ARID1B: variants seen among roughly 807,000 people sequenced by gnomAD.
ARID1B encodes the protein AT-rich interactive domain-containing protein 1B.
ARID1B carries 30 observed loss-of-function variants against 212.3 expected under a neutral mutation model. The ratio of observed to expected loss-of-function variants is 0.14; its 90% CI spans 0.11 to 0.19. ARID1B has a LOEUF of 0.19. ARID1B is among the 10% of genes least tolerant of loss of function. The probability of loss-of-function intolerance (pLI) is 1.00; values close to 1 mark genes in which losing one functional copy is unlikely to be tolerated. For missense variants in ARID1B, 2,891 were observed against 3,204.0 expected, an observed-to-expected ratio of 0.90 and a Z score of 2.36; for synonymous variants, 1,402 against 1,301.7, an observed-to-expected ratio of 1.08 and a Z score of -1.66.
intron 2 of ARID1B, among the ~76,000 whole-genome samples, chr6:156,842,328 C>T (rs1162065465): frequency 6.6e-6 from 1 of 152,174 alleles, no homozygotes; most frequent in African/African-American, 2.4e-5. Context: ...GCTGGATTTA[C>T]CTGTTTTTGA....
intron 4 of ARID1B, chr6:156,941,909 A>C (rs1049951328): frequency 2.6e-5 from 4 of 152,228 alleles, no homozygotes; most frequent in Non-Finnish European, 5.9e-5. Flanking sequence ...CTAAGTTGAC[A>C]TACTCAGTTC....
intron 5 of ARID1B, among the ~76,000 whole-genome samples, chr6:157,098,417 A>G (rs1179337939): frequency 6.6e-6 from 1 of 152,200 alleles, no homozygotes; most frequent in Non-Finnish European, 1.5e-5. Flanking sequence ...TCCCTCCACA[A>G]GTGGGTTTTC....
chr6:156,944,277 G>A (rs1792894247), intron 4 of ARID1B, among the ~76,000 whole-genome samples: 2 of 152,116 alleles, frequency 1.3e-5, no homozygotes, highest in African/African-American at 2.4e-5. Flanking sequence ...TCCATTCTCC[G>A]ATGCCATTTG....
intron 2 of ARID1B, among the ~76,000 whole-genome samples, chr6:156,836,243 GAGTCTCC>G (rs1365736516): frequency 6.6e-6 from 1 of 152,138 alleles, no homozygotes. Context: ...CTGAATGTTA[GAGTCTCC>G]CGGGGCATTA....
At chr6:156,815,617 A>G (rs1180904202) in intron 1 of ARID1B, among the ~76,000 whole-genome samples, 1 of 152,204 alleles carries the variant, frequency 6.6e-6, no homozygotes, top group East Asian at 1.9e-4. Flanking sequence ...TTGTAAATGA[A>G]ATGCTGATTA....
chr6:156,809,908 G>T (rs1480617908), intron 1 of ARID1B, among the ~76,000 whole-genome samples: 1 of 151,976 alleles, frequency 6.6e-6, no homozygotes, highest in Non-Finnish European at 1.5e-5. Context: ...GTGGTCAGGT[G>T]GCATGCAGAG....
chr6:156,987,475 C>T (rs752472575), intron 4 of ARID1B, among the ~76,000 whole-genome samples: 33 of 152,066 alleles, frequency 2.2e-4, no homozygotes, highest in South Asian at 2.1e-4. Flanking sequence ...AGACTACAGG[C>T]GCCCGCTACT....
intron 4 of ARID1B, among the ~76,000 whole-genome samples, chr6:157,045,094 AG>A (rs1226981159): frequency 6.6e-6 from 1 of 152,256 alleles, no homozygotes; most frequent in Non-Finnish European, 1.5e-5. Context: ...AGTGCTATAA[AG>A]CAGAGGGGAT....
chr6:157,063,774 G>A (rs771000838), intron 4 of ARID1B, among the ~76,000 whole-genome samples: 2 of 152,084 alleles, frequency 1.3e-5, no homozygotes, highest in African/African-American at 2.4e-5. Flanking sequence ...TATCTGGGAG[G>A]GTTTTAGTTT....
intron 4 of ARID1B, among the ~76,000 whole-genome samples, chr6:157,062,870 A>AT (rs1302516118): frequency 5.3e-5 from 8 of 151,246 alleles, no homozygotes; most frequent in Non-Finnish European, 1.0e-4. Flanking sequence ...CACCTGCCTA[A>AT]TTTTTTGTAT....
chr6:157,103,434 A>C (rs918372931), intron 5 of ARID1B, among the ~76,000 whole-genome samples: 1 of 152,220 alleles, frequency 6.6e-6, no homozygotes, highest in Admixed American at 6.5e-5. Flanking sequence ...CAGTTGTAAA[A>C]AATCGTAGAA....
intron 3 of ARID1B, among the ~76,000 whole-genome samples, chr6:156,934,793 T>C (rs994395109): frequency 1.3e-5 from 2 of 150,990 alleles, no homozygotes; most frequent in Non-Finnish European, 3.0e-5. Flanking sequence ...CACTCTGGGT[T>C]TAAAGACAGT....
chr6:157,086,289 C>T (rs897335932), intron 5 of ARID1B, among the ~76,000 whole-genome samples: 2 of 152,116 alleles, frequency 1.3e-5, no homozygotes, highest in African/African-American at 4.8e-5. Flanking sequence ...TAAAGCATTT[C>T]GATGTTATCT....
In ARID1B at chr6:157,110,494, A is replaced by G. The variant is rs1786825659; in HGVS notation, c.2514A>G (p.Pro838=). The part of the protein sequence containing the change: ...SIPGSQMPPQ[P]PGSQSESSSH... ...CAGGTAGTCAGATGCCTCCGCAGCCACCCGGGAGCCAGTCAGAATCCAGTT... is the reference window on the plus strand; with the variant it reads ...CAGGTAGTCAGATGCCTCCGCAGCCGCCCGGGAGCCAGTCAGAATCCAGTT... Residue 838 remains proline, a synonymous_variant, in exon 6 of 20, where the codon CCA becomes CCG. Transcript: ENST00000636930. 3 of 1,613,242 alleles carry G rather than the reference A, an allele frequency of 1.9e-6. No individual in the cohort carries two copies. The highest frequency in any genetic ancestry group is 1.7e-5 in the Admixed American group (1 of 59,970).
intron 4 of ARID1B, among the ~76,000 whole-genome samples, chr6:157,026,789 T>C (rs1258381913): frequency 6.6e-6 from 1 of 152,204 alleles, no homozygotes; most frequent in African/African-American, 2.4e-5. Flanking sequence ...TAGCCAGGAT[T>C]ACAGATGCGT....
chr6:157,119,086 G>A (rs553907170), intron 6 of ARID1B, among the ~76,000 whole-genome samples: 6 of 152,014 alleles, frequency 3.9e-5, no homozygotes, highest in African/African-American at 1.2e-4. Flanking sequence ...CCAAAAATTC[G>A]GAAGCCATCC....
intron 8 of ARID1B, among the ~76,000 whole-genome samples, chr6:157,154,195 A>G (rs1790393133): frequency 6.6e-6 from 1 of 152,216 alleles, no homozygotes; most frequent in Non-Finnish European, 1.5e-5. Flanking sequence ...CTGAATTTAC[A>G]GAAGATCTCA....
intron 4 of ARID1B, among the ~76,000 whole-genome samples, chr6:156,975,044 A>C (rs1459994574): frequency 6.6e-6 from 1 of 152,188 alleles, no homozygotes; most frequent in Non-Finnish European, 1.5e-5. Flanking sequence ...GATACTTAGA[A>C]GTGGAATCTG....
At chr6:156,854,800 C>T (rs958709115) in intron 2 of ARID1B, among the ~76,000 whole-genome samples, 1 of 152,336 alleles carries the variant, frequency 6.6e-6, no homozygotes, top group South Asian at 2.1e-4. Context: ...ATTGAGAGTT[C>T]ATTTCTTTTG....
Sources: gnomAD v4.1 joint callset for allele counts (sites outside exome capture counted in the v4.1 genomes callset) on GRCh38, gnomAD v4.1.1 for gene constraint, MANE v1.5 for transcripts, NCBI Gene and HGNC (gene_info 2026-07-23, HGNC 2026-07-21) for gene names.